Variants in ZNF395 observed in about 807,000 individuals in gnomAD.
ZNF395 encodes HD gene regulatory region-binding protein 2.
In ZNF395, 20 loss-of-function variants were observed where a neutral mutation model predicts 57.7. The ratio of observed to expected loss-of-function variants is 0.35; its 90% CI spans 0.24 to 0.50. The LOEUF is 0.50. Ranked by LOEUF, ZNF395 falls within the 20% of genes least tolerant of loss-of-function variation. The pLI, the probability that ZNF395 is intolerant of heterozygous loss-of-function variation, is 0.97. For missense variants in ZNF395, 606 were observed against 671.2 expected, an observed-to-expected ratio of 0.90 and a Z score of 1.07; for synonymous variants, 295 against 275.9, an observed-to-expected ratio of 1.07 and a Z score of -0.69.
At chr8:28,360,292 G>A (rs916064418) in intron 2 of ZNF395, among the ~76,000 whole-genome samples, 20 of 152,246 alleles carry the variant, frequency 1.3e-4, no homozygotes, top group African/African-American at 4.8e-4. Flanking sequence ...TTCTCTCACA[G>A]GCAGGGAGGC....
Position 28,356,672 on chromosome 8 carries a change from G to A in ZNF395, c.581C>T (p.Ser194Phe). 1 of 1,613,760 alleles carries A rather than the reference G, an allele frequency of 6.2e-7. No homozygotes were observed. Among genetic ancestry groups the A allele is most frequent in the Non-Finnish European group, 8.5e-7 (1 of 1,179,752 alleles). Reference sequence around the variant, plus strand: ...CCAGCTGGGCCCCGCTTGCTCACCAGAGAAGTTGGCCTCGGTCCCGGGAGG... The same window carrying A: ...CCAGCTGGGCCCCGCTTGCTCACCAAAGAAGTTGGCCTCGGTCCCGGGAGG... Reference protein sequence around the residue: ...QSPPGTEANFSASRAACDPWK... With the variant: ...QSPPGTEANFFASRAACDPWK... Residue 194 changes from serine to phenylalanine, a missense_variant and splice_region_variant, in exon 4 of 10, where the codon TCT (serine) becomes TTT (phenylalanine). Ser to Phe is a radical substitution (Grantham distance 155, BLOSUM62 -2). Around this residue, in one of 3 missense-constraint regions of ZNF395, gnomAD observed 309 missense variants for 374.7 expected, o/e 0.82. Coordinates refer to ENST00000344423, the MANE Select transcript of ZNF395 (RefSeq NM_018660.3). This position sits in a 1 kb window ranked among gnomAD's most constrained non-coding sequence, Gnocchi z 4.0.
intron 1 of ZNF395, among the ~76,000 whole-genome samples, chr8:28,366,043 A>T (rs930709673): frequency 2.0e-5 from 3 of 152,256 alleles, no homozygotes; most frequent in African/African-American, 7.2e-5. Flanking sequence ...ATCACCTAGC[A>T]GCACTTCCAG....
At chr8:28,377,748 C>CTTTTTT (rs71549661) in intron 1 of ZNF395, among the ~76,000 whole-genome samples, 1 of 100,634 alleles carries the variant, frequency 9.9e-6, no homozygotes, top group Non-Finnish European at 1.8e-5. Context: ...GATGATCCCA[C>CTTTTTT]TTTTTTTTTT....
rs1382845768 is a variant in ZNF395, at chr8:28,373,227, C to A, written c.-58-12045G>T. On this transcript the variant is annotated intron_variant, in intron 1 of 9. Transcript: ENST00000344423. The stretch of plus-strand genomic sequence containing the variant: ...TCCCCACCCAGGTGGCCAGGGACAC[C>A]GGCCCACAACCGGCCACAAAGCTGT... 1.7e-4 allele frequency among the ~76,000 whole-genome samples: 26 copies of A among 152,168 alleles called. 1 individual carries two copies. The highest frequency in any genetic ancestry group is 1.7e-3 in the Admixed American group (26 of 15,286).
rs772377118 is a variant in ZNF395, at chr8:28,360,928, C to T, written c.197G>A (p.Ser66Asn). 3 of 1,613,988 alleles carry T rather than the reference C, an allele frequency of 1.9e-6. No homozygotes were observed. Among genetic ancestry groups the T allele is most frequent in the African/African-American group, 1.3e-5 (1 of 75,070 alleles). ...GGCCACCTGCTGAAGGCCCGAGGTG[C>T]TGGGAGCCTTAAGGACTTCCTTGGG... The part of the protein sequence containing the change: ...EQPKEVLKAP[S>N]TSGLQQVAFQ... Residue 66 changes from serine (S) to asparagine (N), a missense_variant, in exon 2 of 10, where the codon AGC becomes AAC. Transcript: ENST00000344423.
At chr8:28,366,445 G>A (rs1246225310) in intron 1 of ZNF395, among the ~76,000 whole-genome samples, 2 of 152,076 alleles carry the variant, frequency 1.3e-5, no homozygotes, top group African/African-American at 2.4e-5. Flanking sequence ...AGTGGTACAC[G>A]CCTATAGTTC....
intron 1 of ZNF395, among the ~76,000 whole-genome samples, chr8:28,381,203 G>A (rs371878100): frequency 7.2e-5 from 11 of 152,048 alleles, no homozygotes; most frequent in Non-Finnish European, 1.3e-4. Context: ...CACCACGCCC[G>A]GCTAATTTTT....
intron 2 of ZNF395, 142 bp downstream of exon 2, chr8:28,360,743 G>A (rs1801837675): frequency 1.3e-5 from 15 of 1,194,294 alleles, no homozygotes; most frequent in South Asian, 4.7e-5. Flanking sequence ...GCGATCTGCT[G>A]CCCAGGTGCC....
At chr8:28,354,270 G>T (rs753746413) in intron 4 of ZNF395, among the ~76,000 whole-genome samples, 1 of 152,046 alleles carries the variant, frequency 6.6e-6, no homozygotes, top group African/African-American at 2.4e-5. Flanking sequence ...AGGCTGCATG[G>T]GCCCAACCCA....
At chr8:28,382,334 C>T (rs192425384) in intron 1 of ZNF395, among the ~76,000 whole-genome samples, 8 of 152,286 alleles carry the variant, frequency 5.3e-5, no homozygotes, top group South Asian at 2.1e-4. Flanking sequence ...TAAAACACTC[C>T]CTGGCCACCG....
intron 7 of ZNF395, among the ~76,000 whole-genome samples, chr8:28,351,020 C>A (rs548643550): frequency 6.6e-6 from 1 of 152,348 alleles, no homozygotes; most frequent in African/African-American, 2.4e-5. Flanking sequence ...TCATTTCTCT[C>A]TCAATCTGAA....
intron 1 of ZNF395, among the ~76,000 whole-genome samples, chr8:28,380,446 G>A (rs1050956429): frequency 6.6e-6 from 1 of 152,114 alleles, no homozygotes; most frequent in Admixed American, 6.6e-5. Flanking sequence ...TGATGAGCGC[G>A]CCTTCTCTGT....
chr8:28,353,056 G>C, intron 5 of ZNF395, 117 bp downstream of exon 5: 1 of 901,230 alleles, frequency 1.1e-6, no homozygotes, highest in Non-Finnish European at 1.7e-6. Flanking sequence ...AACCGAAATG[G>C]GAGTGAACCC....
intron 1 of ZNF395, among the ~76,000 whole-genome samples, chr8:28,368,034 T>TGGGGCGTGCATGTATGTGGTGGGGCA (rs1801932197): frequency 1.3e-5 from 2 of 152,166 alleles, no homozygotes; most frequent in African/African-American, 4.8e-5. Flanking sequence ...CATGGGGCGC[T>TGGGGCGTGCATGTATGTGGTGGGGCA]GGGGCGTGCA....
chr8:28,380,345 T>C (rs982505684), intron 1 of ZNF395, among the ~76,000 whole-genome samples: 2 of 152,246 alleles, frequency 1.3e-5, no homozygotes, highest in African/African-American at 4.8e-5. Context: ...TTCTGTTTTC[T>C]TTTTAATTTG....
rs1801599963 is a variant in ZNF395, at chr8:28,346,364, C to G, written c.*2355G>C. 1 of 152,142 alleles carries G rather than the reference C, an allele frequency of 6.6e-6. No individual in the cohort carries two copies. Among genetic ancestry groups the G allele is most frequent in the African/African-American group, 2.4e-5 (1 of 41,384 alleles). 9.4% of individuals were successfully genotyped at this position (152,142 alleles called of 1,614,324 possible). On this transcript the variant is annotated 3_prime_UTR_variant, in exon 10 of 10. Transcript: ENST00000344423. ...CTCCAAGAAGGCATGAATGGAACAACCCCGAGAACAGAGCACGTGTGAAGA... is the reference window on the plus strand; with the variant it reads ...CTCCAAGAAGGCATGAATGGAACAAGCCCGAGAACAGAGCACGTGTGAAGA...
At chr8:28,350,013 G>C (rs545259256) in intron 8 of ZNF395, 51 bp downstream of exon 8, 137 of 1,488,782 alleles carry the variant, frequency 9.2e-5, no homozygotes, top group Non-Finnish European at 7.5e-5. Context: ...TGGGATGTGT[G>C]GGAGAGCCCT....
chr8:28,375,723 G>A (rs1002236477), intron 1 of ZNF395, among the ~76,000 whole-genome samples: 1 of 152,174 alleles, frequency 6.6e-6, no homozygotes, highest in African/African-American at 2.4e-5. Flanking sequence ...GCTATGCAAG[G>A]AGCATGAGTA....
At chr8:28,381,244 C>T (rs916972599) in intron 1 of ZNF395, among the ~76,000 whole-genome samples, 23 of 152,008 alleles carry the variant, frequency 1.5e-4, no homozygotes, top group South Asian at 4.1e-4. Context: ...GGTTTCACTG[C>T]GTTAGCCAGG....
Sources: allele counts gnomAD v4.1 joint callset (sites outside exome capture counted in the v4.1 genomes callset), GRCh38; gene constraint gnomAD v4.1.1; regional missense constraint gnomAD v4.1.1; non-coding constraint Gnocchi (gnomAD v3.1); transcripts MANE v1.5; gene names NCBI Gene and HGNC (gene_info 2026-07-23, HGNC 2026-07-21).